CNTNAP2: variants seen among roughly 807,000 people sequenced by gnomAD.
CNTNAP2 encodes the protein contactin associated protein 2.
In CNTNAP2, 98 loss-of-function variants were observed where a neutral mutation model predicts 155.2. That is an observed-to-expected ratio of 0.63 (90% CI 0.54 to 0.75). The LOEUF (loss-of-function observed/expected upper bound fraction) is 0.75. Among genes scored for constraint, CNTNAP2 ranks in the 30% least tolerant of loss-of-function variants. The pLI is 0.00. For synonymous variants in CNTNAP2, 651 were observed against 631.2 expected, an observed-to-expected ratio of 1.03 and a Z score of -0.47; for missense variants, 1,727 against 1,688.1, an observed-to-expected ratio of 1.02 and a Z score of -0.40.
intron 11 of CNTNAP2, among the ~76,000 whole-genome samples, chr7:147,493,238 C>T (rs192121258): frequency 6.6e-6 from 1 of 152,124 alleles, no homozygotes. Context: ...TTTTTATTAG[C>T]AAGTATAATA....
chr7:148,128,031 G>A (rs916228145), intron 16 of CNTNAP2, among the ~76,000 whole-genome samples: 1 of 152,006 alleles, frequency 6.6e-6, no homozygotes, highest in Non-Finnish European at 1.5e-5. Flanking sequence ...CACCACACTC[G>A]GTTAATTTTT....
intron 3 of CNTNAP2, among the ~76,000 whole-genome samples, chr7:147,031,391 A>C (rs1413406945): frequency 1.3e-5 from 2 of 152,352 alleles, no homozygotes; most frequent in Non-Finnish European, 2.9e-5. Flanking sequence ...TCTCCTAGGC[A>C]TTTGTAACAA....
At chr7:147,155,458 TTAGAACA>T (rs1283979633) in intron 8 of CNTNAP2, among the ~76,000 whole-genome samples, 73 of 152,218 alleles carry the variant, frequency 4.8e-4, no homozygotes, top group African/African-American at 1.6e-3. Flanking sequence ...GTTTGAACTA[TTAGAACA>T]TAGACATTTG....
chr7:146,964,373 T>A (rs1259785977), intron 3 of CNTNAP2, among the ~76,000 whole-genome samples: 1 of 152,316 alleles, frequency 6.6e-6, no homozygotes, highest in Non-Finnish European at 1.5e-5. Flanking sequence ...TCTTTAAAAC[T>A]GATTTGTTTA....
chr7:147,043,892 T>G lies in CNTNAP2; in HGVS notation c.403-15T>G. Reference sequence around the variant, plus strand: ...GTATTTTTCCCAATTTTTAAAATACTATTTCCTTTTCCAGGCATTTCCCGG... The same window carrying G: ...GTATTTTTCCCAATTTTTAAAATACGATTTCCTTTTCCAGGCATTTCCCGG... On this transcript the variant is annotated splice_polypyrimidine_tract_variant and intron_variant, in intron 3 of 23. Coordinates refer to ENST00000361727, the MANE Select transcript of CNTNAP2 (RefSeq NM_014141.6). The G allele has an allele frequency of 1.2e-6, 2 of 1,614,088 alleles. No individual in the cohort carries two copies. Among genetic ancestry groups the G allele is most frequent in the Non-Finnish European group, 1.7e-6 (2 of 1,179,928 alleles).
At chr7:146,312,265 A>G (rs2129090918) in intron 1 of CNTNAP2, among the ~76,000 whole-genome samples, 1 of 152,252 alleles carries the variant, frequency 6.6e-6, no homozygotes, top group East Asian at 1.9e-4. Flanking sequence ...GAATGTTAGG[A>G]ACCTGTGATT....
intron 21 of CNTNAP2, among the ~76,000 whole-genome samples, chr7:148,279,602 C>G (rs566517651): frequency 2.0e-5 from 3 of 152,170 alleles, no homozygotes; most frequent in African/African-American, 4.8e-5. Context: ...TATCAGAAAC[C>G]GAACACCACC....
chr7:147,218,913 G>A (rs1358039582), intron 8 of CNTNAP2, among the ~76,000 whole-genome samples: 1 of 152,018 alleles, frequency 6.6e-6, no homozygotes, highest in Non-Finnish European at 1.5e-5. Flanking sequence ...CTCTTGTTAG[G>A]CACATACATG....
At chr7:146,444,394 T>G (rs1796371369) in intron 1 of CNTNAP2, among the ~76,000 whole-genome samples, 1 of 151,992 alleles carries the variant, frequency 6.6e-6, no homozygotes, top group African/African-American at 2.4e-5. Flanking sequence ...GTGTAAAGAT[T>G]TACTAATAAT....
At chr7:146,352,433 T>C (rs1001554258) in intron 1 of CNTNAP2, among the ~76,000 whole-genome samples, 4 of 152,168 alleles carry the variant, frequency 2.6e-5, no homozygotes, top group African/African-American at 9.6e-5. Flanking sequence ...TTTTATTATC[T>C]TAAGCATGTA....
chr7:146,823,551 T>C (rs899066810), intron 2 of CNTNAP2, among the ~76,000 whole-genome samples: 1 of 147,430 alleles, frequency 6.8e-6, no homozygotes, highest in African/African-American at 2.6e-5. Context: ...ATACTCATTC[T>C]TCAGTATATT....
rs1222280897 is a variant in CNTNAP2 at position 148,231,464 on chromosome 7, A to C, written c.3381+1685A>C. On this transcript the variant is annotated intron_variant, in intron 20 of 23. Transcript: ENST00000361727. ...ATAGAATTTGAAAAAGATAAAACCAAACTTTGGGAAGAGAATCTAGGGAGC... is the reference window on the plus strand; with the variant it reads ...ATAGAATTTGAAAAAGATAAAACCACACTTTGGGAAGAGAATCTAGGGAGC... Among the ~76,000 whole-genome samples the C allele has an allele frequency of 2.6e-5, 4 of 152,150 alleles. No homozygotes were observed. In the East Asian group the frequency reaches 7.7e-4, roughly 29 times the overall value.
intron 8 of CNTNAP2, among the ~76,000 whole-genome samples, chr7:147,228,008 G>T (rs1385049773): frequency 6.6e-6 from 1 of 152,140 alleles, no homozygotes; most frequent in Non-Finnish European, 1.5e-5. Context: ...AGCAGATGAT[G>T]GAGGAATGGC....
At chr7:146,860,182 C>T (rs144140556) in intron 3 of CNTNAP2, among the ~76,000 whole-genome samples, 205 of 152,176 alleles carry the variant, frequency 1.3e-3, no homozygotes, top group African/African-American at 4.4e-3. Flanking sequence ...CCATCATGAC[C>T]CTCATGGAGA....
intron 14 of CNTNAP2, among the ~76,000 whole-genome samples, chr7:147,930,978 G>C (rs1386810087): frequency 6.6e-6 from 1 of 152,062 alleles, no homozygotes; most frequent in African/African-American, 2.4e-5. Context: ...AGGGAAATTA[G>C]AAAATGTCTC....
intron 10 of CNTNAP2, among the ~76,000 whole-genome samples, chr7:147,456,242 G>C (rs915413474): frequency 2.0e-5 from 3 of 152,100 alleles, no homozygotes; most frequent in African/African-American, 7.2e-5. Context: ...TTATATTGGA[G>C]ATCTATGACA....
At chr7:147,587,555 G>A (rs1253227844) in intron 12 of CNTNAP2, among the ~76,000 whole-genome samples, 1 of 152,114 alleles carries the variant, frequency 6.6e-6, no homozygotes, top group African/African-American at 2.4e-5. Context: ...AAACTCAATT[G>A]TAACACTAGA....
intron 22 of CNTNAP2, among the ~76,000 whole-genome samples, chr7:148,387,220 C>T (rs1207197705): frequency 1.3e-5 from 2 of 152,146 alleles, no homozygotes; most frequent in African/African-American, 2.4e-5. Context: ...CATACCAACT[C>T]GGGTTCTAAG....
intron 4 of CNTNAP2, among the ~76,000 whole-genome samples, chr7:147,105,815 T>C (rs987829032): frequency 1.3e-5 from 2 of 152,060 alleles, no homozygotes; most frequent in Non-Finnish European, 2.9e-5. Flanking sequence ...TTGTAGGGAA[T>C]CTAGGTTACA....
Sources: allele counts gnomAD v4.1 joint callset (sites outside exome capture counted in the v4.1 genomes callset), GRCh38; gene constraint gnomAD v4.1.1; transcripts MANE v1.5; gene names NCBI Gene and HGNC (gene_info 2026-07-23, HGNC 2026-07-21).